The following WWOX variants were observed in gnomAD, a reference collection of about 807,000 sequenced individuals.
The protein encoded by WWOX is WW domain containing oxidoreductase, also known as WW domain-containing oxidoreductase.
A neutral mutation model predicts 46.2 loss-of-function variants in WWOX; 69 were observed. That is an observed-to-expected ratio of 1.49 (90% confidence interval 1.23 to 1.82). The LOEUF is 1.82. Ranked by LOEUF, WWOX falls within the 40% of genes most tolerant of loss-of-function variation. WWOX has a pLI of 0.00. For missense variants in WWOX, 919 were observed against 542.6 expected (o/e 1.69, Z -6.89); for synonymous variants, 359 against 202.6 (o/e 1.77, Z -6.56).
chr16:78,619,634 G>A (rs796084601), intron 8 of WWOX, among the ~76,000 whole-genome samples: 61 of 152,112 alleles, frequency 4.0e-4, no homozygotes, highest in African/African-American at 1.4e-3. Flanking sequence ...ATTGGGCGTG[G>A]TGGCTCATGT....
At chr16:78,882,032 A>G (rs150677010) in intron 8 of WWOX, among the ~76,000 whole-genome samples, 1 of 152,134 alleles carries the variant, frequency 6.6e-6, no homozygotes, top group African/African-American at 2.4e-5. Context: ...AGGCTGAGGC[A>G]GGATAATTGC....
chr16:78,955,589 C>G lies in WWOX; in HGVS notation c.1057-256019C>G, dbSNP rs77048774. 5.0e-4 allele frequency among the ~76,000 whole-genome samples: 76 copies of G among 152,132 alleles called. No homozygotes were observed. The East Asian group carries it at 0.012, about 24-fold the overall frequency. On this transcript the variant is annotated intron_variant, in intron 8 of 8. Coordinates refer to ENST00000566780, the MANE Select transcript of WWOX (RefSeq NM_016373.4). The stretch of plus-strand genomic sequence containing the variant: ...CATTCATATTTACTTTATGAAACCT[C>G]TTTTAACTTTATTTTTTATATTTTT...
At chr16:78,169,259 A>G (rs77164546) in intron 5 of WWOX, among the ~76,000 whole-genome samples, 7,958 of 152,220 alleles carry the variant, frequency 0.052, 334 homozygotes, top group East Asian at 0.24. Flanking sequence ...TGTTTTCAAG[A>G]TGCAGTGGAC....
intron 5 of WWOX, among the ~76,000 whole-genome samples, chr16:78,334,843 C>G (rs1299957947): frequency 7.4e-6 from 1 of 135,400 alleles, no homozygotes; most frequent in Non-Finnish European, 1.5e-5. Flanking sequence ...TACACACACA[C>G]ACACACACAC....
At chr16:78,460,399 C>G (rs757321353) in intron 8 of WWOX, among the ~76,000 whole-genome samples, 1 of 152,194 alleles carries the variant, frequency 6.6e-6, no homozygotes, top group Non-Finnish European at 1.5e-5. Context: ...ATAGGTACCC[C>G]GCCTGGCTGA....
intron 5 of WWOX, among the ~76,000 whole-genome samples, chr16:78,324,318 G>GT (rs1820255507): frequency 6.6e-6 from 1 of 152,094 alleles, no homozygotes; most frequent in Admixed American, 6.5e-5. Flanking sequence ...ATGTGGAGAA[G>GT]TTGGAACCCT....
intron 5 of WWOX, among the ~76,000 whole-genome samples, chr16:78,252,681 T>G (rs1040038210): frequency 6.6e-6 from 1 of 152,220 alleles, no homozygotes; most frequent in East Asian, 1.9e-4. Context: ...CCAGGAGACG[T>G]AGACGAGCTT....
At chr16:79,209,516 G>C (rs1472101006) in intron 8 of WWOX, among the ~76,000 whole-genome samples, 2 of 152,148 alleles carry the variant, frequency 1.3e-5, no homozygotes, top group Non-Finnish European at 2.9e-5. Context: ...GGCATAGAGG[G>C]CGGGAGGCTG....
intron 8 of WWOX, among the ~76,000 whole-genome samples, chr16:78,859,291 A>G (rs1277666243): frequency 6.6e-6 from 1 of 151,622 alleles, no homozygotes; most frequent in African/African-American, 2.4e-5. Context: ...CAGGAATGGA[A>G]TTGATTTTTC....
At chr16:78,119,274 T>A (rs1472034654) in intron 4 of WWOX, among the ~76,000 whole-genome samples, 2 of 152,134 alleles carry the variant, frequency 1.3e-5, no homozygotes, top group African/African-American at 4.8e-5. Context: ...CATGCAAATG[T>A]TGGGAAGTGT....
At chr16:78,189,952 G>A (rs1205147929) in intron 5 of WWOX, among the ~76,000 whole-genome samples, 1 of 152,136 alleles carries the variant, frequency 6.6e-6, no homozygotes, top group Non-Finnish European at 1.5e-5. Flanking sequence ...ACCACGCCCG[G>A]CTCAAATCCT....
chr16:78,869,719 T>C (rs1375648472), intron 8 of WWOX, among the ~76,000 whole-genome samples: 4 of 152,246 alleles, frequency 2.6e-5, no homozygotes, highest in African/African-American at 4.8e-5. Flanking sequence ...GAGCAAGAGC[T>C]GCTGAGTTGT....
chr16:78,663,119 C>T (rs1284170014), intron 8 of WWOX, among the ~76,000 whole-genome samples: 1 of 152,026 alleles, frequency 6.6e-6, no homozygotes, highest in Non-Finnish European at 1.5e-5. Context: ...TTTTTATCAC[C>T]CCTAAAAGAA....
intron 5 of WWOX, among the ~76,000 whole-genome samples, chr16:78,278,167 G>A (rs955342335): frequency 1.3e-5 from 2 of 152,188 alleles, no homozygotes; most frequent in African/African-American, 4.8e-5. Context: ...GGAAAGGCAG[G>A]CAGTGCGAAA....
At chr16:78,228,066 G>T (rs1344792493) in intron 5 of WWOX, among the ~76,000 whole-genome samples, 1 of 151,890 alleles carries the variant, frequency 6.6e-6, no homozygotes, top group Non-Finnish European at 1.5e-5. Context: ...CCTGCCCAGG[G>T]CTATGGGGAG....
intron 8 of WWOX, among the ~76,000 whole-genome samples, chr16:78,970,159 A>T (rs1227596913): frequency 6.6e-6 from 1 of 152,134 alleles, no homozygotes; most frequent in African/African-American, 2.4e-5. Context: ...TGGGCCTGTC[A>T]CCTCTACCCC....
At chr16:79,000,369 A>T (rs1375188022) in intron 8 of WWOX, among the ~76,000 whole-genome samples, 2 of 152,194 alleles carry the variant, frequency 1.3e-5, no homozygotes, top group Non-Finnish European at 2.9e-5. Context: ...CAGATGGGGA[A>T]TTAAGGTTGC....
intron 8 of WWOX, among the ~76,000 whole-genome samples, chr16:78,450,050 C>T (rs570817240): frequency 1.3e-5 from 2 of 152,056 alleles, no homozygotes; most frequent in African/African-American, 4.8e-5. Context: ...CCACCCGTTA[C>T]TTTGCTGCTT....
chr16:78,922,472 G>T (rs989389403), intron 8 of WWOX, among the ~76,000 whole-genome samples: 1 of 151,300 alleles, frequency 6.6e-6, no homozygotes, highest in South Asian at 2.1e-4. Flanking sequence ...TCTACCTCCC[G>T]GGTTCAAGCG....
Sources: allele counts gnomAD v4.1 joint callset (sites outside exome capture counted in the v4.1 genomes callset), GRCh38; gene constraint gnomAD v4.1.1; transcripts MANE v1.5; gene names NCBI Gene and HGNC (gene_info 2026-07-23, HGNC 2026-07-21).